The following SLC6A12 variants were observed in gnomAD, a reference collection of about 807,000 sequenced individuals.
SLC6A12 encodes the protein solute carrier family 6 member 12.
Under a neutral mutation model 73.3 loss-of-function variants are expected in SLC6A12, and 50 were observed. The ratio of observed to expected loss-of-function variants is 0.68; its 90% CI spans 0.54 to 0.86. The LOEUF is 0.86. SLC6A12 is among the 40% of genes least tolerant of loss of function. The probability of loss-of-function intolerance (pLI) is 0.00; values close to 1 mark genes in which losing one functional copy is unlikely to be tolerated. For synonymous variants in SLC6A12, 304 were observed against 309.2 expected (o/e 0.98, Z 0.18); for missense variants, 648 against 772.8 (o/e 0.84, Z 1.92).
downstream of SLC6A12, among the ~76,000 whole-genome samples, chr12:188,713 GCA>G (rs1939490748): frequency 1.3e-5 from 2 of 151,778 alleles, no homozygotes; most frequent in African/African-American, 2.4e-5. Context: ...GAACTCATGT[GCA>G]CACACAGGCA....
At chr12:211,838 C>T (rs1346121851) in intron 2 of SLC6A12, among the ~76,000 whole-genome samples, 188 bp downstream of exon 2, 1 of 152,172 alleles carries the variant, frequency 6.6e-6, no homozygotes, top group African/African-American at 2.4e-5. Context: ...TCTGAGTCAG[C>T]AGTATGTTAA....
downstream of SLC6A12, among the ~76,000 whole-genome samples, chr12:187,632 C>CAAAAAAAAAAAAAA (rs766643317): frequency 1.0e-5 from 1 of 96,378 alleles, no homozygotes; most frequent in Non-Finnish European, 2.0e-5. Context: ...AAAAAAAAAA[C>CAAAAAAAAAAAAAA]AAACCACACA....
At position 191,089 on chromosome 12, in the gene SLC6A12, C is replaced by T. The variant is rs1021374264; in HGVS notation, c.1824G>A (p.Gly608=). ...CACCCTACAAATGGGTCTCCTTCTC[C>T]CCGGCTATCAGTCCTTCCCTTGTTG... ...PSPTREGLIA[G]EKETHL The change falls in exon 16 of 16, where the codon GGG becomes GGA. Residue 608 remains glycine, a synonymous_variant. Transcript: ENST00000684302. 9.5e-5 allele frequency: 127 copies of T among 1,334,636 alleles called. No individual in the cohort carries two copies. Among genetic ancestry groups the T allele is most frequent in the Non-Finnish European group, 1.2e-4 (126 of 1,031,362 alleles). The allele number at this position is 1,334,636 out of a possible 1,614,324, so 82.7% of individuals were successfully genotyped here. A position where few individuals can be genotyped will look rare whatever the true frequency, so the allele number is the denominator to read the frequency against.
In SLC6A12 at chr12:197,389, C is replaced by T. The variant is rs756384830; in HGVS notation, c.1063G>A (p.Val355Met). ...SQEQGVPISE[V>M]AESGPGLAFI... Reference sequence around the variant, plus strand: ...AAGTGGCACCTACCTGACTCGGCCACTTCAGAAATGGGCACCCCTTGCTCT... The same window carrying T: ...AAGTGGCACCTACCTGACTCGGCCATTTCAGAAATGGGCACCCCTTGCTCT... The change falls in exon 10 of 16, where the codon GTG (valine) becomes ATG (methionine). Residue 355 changes from valine to methionine, a missense_variant. By Grantham distance (21) the Val-to-Met change is conservative. Transcript: ENST00000684302. The T allele has an allele frequency of 1.2e-6, 2 of 1,613,516 alleles. No homozygotes were observed. The highest frequency in any genetic ancestry group is 3.3e-5 in the Admixed American group (2 of 59,980).
intron 11 of SLC6A12, 122 bp downstream of exon 11, chr12:196,648 C>A (rs1007282358): frequency 2.7e-6 from 2 of 747,466 alleles, no homozygotes; most frequent in Admixed American, 2.0e-5. Flanking sequence ...AAGCCCTGGA[C>A]AGCAGAGGGG....
chr12:210,689 C>A (rs74995279), intron 2 of SLC6A12: 3,306 of 152,636 alleles, frequency 0.022, 102 homozygotes, highest in African/African-American at 0.072. Flanking sequence ...TCTGTTGTAT[C>A]TCTGTCCTGA....
intron 7 of SLC6A12, among the ~76,000 whole-genome samples, chr12:199,495 G>A (rs925297015): frequency 2.6e-5 from 4 of 152,112 alleles, no homozygotes; most frequent in South Asian, 2.1e-4. Flanking sequence ...GGGGAGCAGC[G>A]GCGGCCGGAG....
chr12:185,478 G>A (rs958916126), downstream of SLC6A12, among the ~76,000 whole-genome samples: 1 of 152,212 alleles, frequency 6.6e-6, no homozygotes, highest in African/African-American at 2.4e-5. Flanking sequence ...CCTTTTGGAT[G>A]TGACAGCCAC....
intron 2 of SLC6A12, among the ~76,000 whole-genome samples, chr12:211,789 C>T (rs891944517): frequency 2.0e-5 from 3 of 152,198 alleles, no homozygotes; most frequent in Non-Finnish European, 4.4e-5. Context: ...AAGTTCTAAT[C>T]CAGATCTAGC....
chr12:190,577 G>A lies in SLC6A12; in HGVS notation c.*491C>T, dbSNP rs184228564. 6.6e-6 allele frequency: 1 copy of A among 152,236 alleles called. No individual in the cohort carries two copies. The highest frequency in any genetic ancestry group is 6.5e-5 in the Admixed American group (1 of 15,280). The allele number at this position is 152,236 out of a possible 1,614,324, so 9.4% of individuals were successfully genotyped here. ...GGCTTGCCTCTGTCGTTAAGCCTAA[G>A]GAAGGATCCCCTAACGGAACCTCCG... On this transcript the variant is annotated 3_prime_UTR_variant, in exon 16 of 16. Transcript: ENST00000684302.
chr12:207,940 C>A (rs1052415895), intron 3 of SLC6A12, among the ~76,000 whole-genome samples: 2 of 152,174 alleles, frequency 1.3e-5, no homozygotes, highest in African/African-American at 4.8e-5. Flanking sequence ...CTCTCTCTCT[C>A]CACCCCACCC....
intron 5 of SLC6A12, among the ~76,000 whole-genome samples, chr12:202,083 T>C (rs1940300119): frequency 6.6e-6 from 1 of 152,120 alleles, no homozygotes; most frequent in Non-Finnish European, 1.5e-5. Flanking sequence ...CCTCAGACAG[T>C]ATCCAGACTT....
intron 10 of SLC6A12, 88 bp from the exon 11 acceptor site, chr12:196,970 G>A: frequency 1.3e-6 from 1 of 748,590 alleles, no homozygotes; most frequent in Non-Finnish European, 2.2e-6. Context: ...GTGTGTGTGT[G>A]TACCTGTGCA....
At chr12:184,206 A>AT in the SLC6A12 span, among the ~76,000 whole-genome samples, 9 of 152,228 alleles carry the variant, frequency 5.9e-5, no homozygotes, top group African/African-American at 2.2e-4. Context: ...GAAAAACAAT[A>AT]TAATTATCTC....
intron 3 of SLC6A12, among the ~76,000 whole-genome samples, chr12:206,665 A>G (rs916747329): frequency 1.3e-5 from 2 of 152,238 alleles, no homozygotes; most frequent in African/African-American, 2.4e-5. Flanking sequence ...CTGAGTTCCA[A>G]AGTCCCTTTG....
At chr12:203,059 CTTTTTTTTTTTTT>C (rs10582500) in intron 4 of SLC6A12, among the ~76,000 whole-genome samples, 179 bp from the exon 5 acceptor site, 13 of 68,340 alleles carry the variant, frequency 1.9e-4, no homozygotes, top group Admixed American at 2.0e-4. Context: ...TTTTTCTTTT[CTTTTTTTTTTTTT>C]TTTTTTTTTT....
chr12:203,059 CTTTTTT>C (rs10582500), intron 4 of SLC6A12, among the ~76,000 whole-genome samples, 179 bp from the exon 5 acceptor site: 73 of 68,328 alleles, frequency 1.1e-3, no homozygotes, highest in East Asian at 9.0e-3. Flanking sequence ...TTTTTCTTTT[CTTTTTT>C]TTTTTTTTTT....
chr12:200,506 C>T, intron 7 of SLC6A12, 145 bp downstream of exon 7: 1 of 810,232 alleles, frequency 1.2e-6, no homozygotes, highest in Non-Finnish European at 1.9e-6. Context: ...GTGGCTCCCC[C>T]TGTTCTCACT....
chr12:208,676 G>T (rs990240914), intron 3 of SLC6A12, among the ~76,000 whole-genome samples: 1 of 152,116 alleles, frequency 6.6e-6, no homozygotes, highest in African/African-American at 2.4e-5. Flanking sequence ...GCACATAAGC[G>T]TTGCCAAGGG....
Sources: allele counts gnomAD v4.1 joint callset (sites outside exome capture counted in the v4.1 genomes callset), GRCh38; gene constraint gnomAD v4.1.1; transcripts MANE v1.5; gene names NCBI Gene and HGNC (gene_info 2026-07-23, HGNC 2026-07-21).